The following SATB2 variants were observed in gnomAD, a reference collection of about 807,000 sequenced individuals.
SATB2 encodes SATB homeobox 2.
In SATB2, 1 loss-of-function variant was observed where a neutral mutation model predicts 73.4. That is an observed-to-expected ratio of 0.01 (90% CI 0.00 to 0.06). The LOEUF (loss-of-function observed/expected upper bound fraction) is 0.06. SATB2 is among the 10% of genes least tolerant of loss of function. SATB2 has a pLI of 1.00. For missense variants in SATB2, 459 were observed against 945.8 expected (o/e 0.49, Z 6.75); for synonymous variants, 397 against 367.0 (o/e 1.08, Z -0.93).
upstream of SATB2, among the ~76,000 whole-genome samples, chr2:199,460,082 AG>A (rs892274724): frequency 6.6e-6 from 1 of 152,052 alleles, no homozygotes; most frequent in African/African-American, 2.4e-5. The surrounding 1 kb of genome is among the most constrained non-coding windows in gnomAD (Gnocchi z 4.0). Context: ...AGCAATTCTT[AG>A]GGGAGCCACC....
chr2:199,344,078 T>C (rs184292358), intron 7 of SATB2, among the ~76,000 whole-genome samples: 269 of 152,326 alleles, frequency 1.8e-3, no homozygotes, highest in African/African-American at 5.9e-3. Context: ...TCATGCTTCA[T>C]GCTACTTGGA....
chr2:199,338,419 A>T (rs761453164), intron 7 of SATB2, among the ~76,000 whole-genome samples: 49 of 152,128 alleles, frequency 3.2e-4, no homozygotes, highest in Non-Finnish European at 5.6e-4. Context: ...ACTGAAATAT[A>T]CTCACTAGAG....
At chr2:199,371,647 A>G (rs1165301639) in intron 5 of SATB2, among the ~76,000 whole-genome samples, 1 of 152,168 alleles carries the variant, frequency 6.6e-6, no homozygotes, top group Non-Finnish European at 1.5e-5. Flanking sequence ...TAAAATACAT[A>G]TAATTTTGCA....
chr2:199,309,310 C>T (rs1687528622), intron 9 of SATB2, among the ~76,000 whole-genome samples: 2 of 152,330 alleles, frequency 1.3e-5, no homozygotes, highest in South Asian at 2.1e-4. Flanking sequence ...AACTGGGCAG[C>T]ATTTCATGCT....
At chr2:199,323,675 G>C in intron 9 of SATB2, 128 bp downstream of exon 9, 1 of 1,078,844 alleles carries the variant, frequency 9.3e-7, no homozygotes, top group Admixed American at 2.0e-5. Context: ...GTAAAAGGCA[G>C]AACATGACAG....
intron 10 of SATB2, among the ~76,000 whole-genome samples, chr2:199,295,248 TCAGA>T (rs1273566673): frequency 1.3e-5 from 2 of 152,198 alleles, no homozygotes; most frequent in Non-Finnish European, 2.9e-5. Context: ...GTATTACCAA[TCAGA>T]CAATCAGTTC....
At chr2:199,402,780 T>C (rs1373317332) in intron 3 of SATB2, among the ~76,000 whole-genome samples, 1 of 152,188 alleles carries the variant, frequency 6.6e-6, no homozygotes, top group African/African-American at 2.4e-5. Flanking sequence ...TATTTCATAA[T>C]AAGACATTTA....
At chr2:199,360,701 T>G (rs1689112760) in intron 6 of SATB2, among the ~76,000 whole-genome samples, 1 of 152,138 alleles carries the variant, frequency 6.6e-6, no homozygotes, top group Admixed American at 6.6e-5. Flanking sequence ...TCTTCAAAAC[T>G]GCTGGCTCCA....
At chr2:199,390,081 C>A (rs1338419138) in intron 3 of SATB2, among the ~76,000 whole-genome samples, 2 of 151,028 alleles carry the variant, frequency 1.3e-5, no homozygotes, top group Non-Finnish European at 1.5e-5. Flanking sequence ...TTAATAAAGA[C>A]CTTATTGAAA....
chr2:199,367,213 T>C (rs933417961), intron 6 of SATB2, among the ~76,000 whole-genome samples: 3 of 152,172 alleles, frequency 2.0e-5, no homozygotes, highest in Non-Finnish European at 4.4e-5. Context: ...CGATGTCTTA[T>C]AATGAGAAGG....
intron 8 of SATB2, chr2:199,325,490 T>C (rs2166517): frequency 0.78 from 119,204 of 152,120 alleles, 48,071 homozygotes; most frequent in South Asian, 0.91. Flanking sequence ...TTTCTTGCTA[T>C]GTTGGGACTT....
At chr2:199,328,336 T>A (rs371369755) in intron 8 of SATB2, among the ~76,000 whole-genome samples, 2 of 151,678 alleles carry the variant, frequency 1.3e-5, no homozygotes, top group African/African-American at 4.8e-5. Flanking sequence ...AGGTCAGGAG[T>A]TCGAGAAGAG....
At chr2:199,403,388 T>C (rs1223990738) in intron 3 of SATB2, among the ~76,000 whole-genome samples, 1 of 152,062 alleles carries the variant, frequency 6.6e-6, no homozygotes, top group East Asian at 1.9e-4. Context: ...CTAAGATATA[T>C]AGATAGCCAA....
intron 6 of SATB2, among the ~76,000 whole-genome samples, chr2:199,350,656 G>A (rs78545201): frequency 7.8e-4 from 118 of 152,182 alleles, no homozygotes; most frequent in African/African-American, 2.6e-3. Context: ...ATCCCATTAG[G>A]AAAACATGTG....
intron 3 of SATB2, among the ~76,000 whole-genome samples, chr2:199,412,804 T>C (rs1433366762): frequency 2.0e-5 from 3 of 151,840 alleles, no homozygotes; most frequent in Non-Finnish European, 2.9e-5. Context: ...ATAAAAACTG[T>C]GTATCTTCAC....
intron 10 of SATB2, among the ~76,000 whole-genome samples, chr2:199,281,541 T>C (rs1221049769): frequency 6.6e-6 from 1 of 152,056 alleles, no homozygotes; most frequent in Non-Finnish European, 1.5e-5. Context: ...AAAGTCCTTA[T>C]GCATAACTCA....
rs534059857 is a variant in SATB2, at chr2:199,297,120, C to T, written c.1740+11640G>A. ...TTGTTTCTATTATATAAGAAAGATA[C>T]GATTTTTTAAAATTAAAATTAAATG... On this transcript the variant is annotated intron_variant, in intron 10 of 10. Transcript: ENST00000417098. Among the ~76,000 whole-genome samples the T allele has an allele frequency of 1.7e-4, 26 of 152,238 alleles. No individual in the cohort carries two copies. The South Asian group carries it at 3.9e-3, about 23-fold the overall frequency.
chr2:199,355,340 G>GTATCTATATATA (rs1445800916), intron 6 of SATB2, among the ~76,000 whole-genome samples: 221 of 13,822 alleles, frequency 0.016, 12 homozygotes, highest in Admixed American at 0.025. Flanking sequence ...GTGTGTGTGT[G>GTATCTATATATA]TGTGTATCTA....
chr2:199,364,645 A>G (rs915143390), intron 6 of SATB2, among the ~76,000 whole-genome samples: 6 of 152,162 alleles, frequency 3.9e-5, no homozygotes, highest in African/African-American at 7.2e-5. Context: ...GTATTATTTT[A>G]TAACACAAAT....
Sources: allele counts gnomAD v4.1 joint callset (sites outside exome capture counted in the v4.1 genomes callset), GRCh38; gene constraint gnomAD v4.1.1; non-coding constraint Gnocchi (gnomAD v3.1); transcripts MANE v1.5; gene names NCBI Gene and HGNC (gene_info 2026-07-23, HGNC 2026-07-21).